The following KHDRBS2 variants were observed in gnomAD, a reference collection of about 807,000 sequenced individuals.
KHDRBS2 encodes KH domain-containing, RNA-binding, signal transduction-associated protein 2.
A neutral mutation model predicts 44.3 loss-of-function variants in KHDRBS2; 26 were observed. The ratio of observed to expected loss-of-function variants is 0.59; its 90% CI spans 0.43 to 0.81. The LOEUF (loss-of-function observed/expected upper bound fraction) is 0.81, where lower values mean the gene tolerates loss of function less well. Among genes scored for constraint, KHDRBS2 ranks in the 40% least tolerant of loss-of-function variants. KHDRBS2 has a pLI of 0.00. For synonymous variants in KHDRBS2, 194 were observed against 151.1 expected (o/e 1.28, Z -2.08); for missense variants, 476 against 433.1 (o/e 1.10, Z -0.88).
At chr6:61,689,383 C>A (rs1307382893) in intron 8 of KHDRBS2, among the ~76,000 whole-genome samples, 1 of 151,976 alleles carries the variant, frequency 6.6e-6, no homozygotes, top group Non-Finnish European at 1.5e-5. Context: ...GAATTTGTAG[C>A]CAGCCGGTCA....
At chr6:61,562,461 G>A in the KHDRBS2 span, among the ~76,000 whole-genome samples, 1 of 152,146 alleles carries the variant, frequency 6.6e-6, no homozygotes, top group Admixed American at 6.5e-5. Flanking sequence ...AATTCTCCCT[G>A]TTGAAAAGAA....
chr6:61,790,227 T>C (rs1328322379), intron 6 of KHDRBS2, among the ~76,000 whole-genome samples: 3 of 151,398 alleles, frequency 2.0e-5, no homozygotes, highest in East Asian at 3.9e-4. Flanking sequence ...GATTTCCTCA[T>C]TGGGTGCTCA....
chr6:61,891,362 G>A (rs1490245708), intron 6 of KHDRBS2, among the ~76,000 whole-genome samples: 3 of 152,214 alleles, frequency 2.0e-5, no homozygotes, highest in South Asian at 2.1e-4. Flanking sequence ...TTTTTGCATC[G>A]ATGTTCATCA....
chr6:62,097,428 T>C (rs1800861200), intron 2 of KHDRBS2, among the ~76,000 whole-genome samples: 1 of 152,090 alleles, frequency 6.6e-6, no homozygotes, highest in African/African-American at 2.4e-5. Flanking sequence ...GGTACATATA[T>C]ATTTACAACT....
At chr6:61,649,762 G>A in the KHDRBS2 span, among the ~76,000 whole-genome samples, 1 of 151,954 alleles carries the variant, frequency 6.6e-6, no homozygotes, top group African/African-American at 2.4e-5. Flanking sequence ...GTTATTGATA[G>A]CTACATAACC....
At chr6:61,875,394 A>T (rs1027624815) in intron 6 of KHDRBS2, among the ~76,000 whole-genome samples, 1 of 152,112 alleles carries the variant, frequency 6.6e-6, no homozygotes, top group Admixed American at 6.6e-5. Flanking sequence ...CAGGGTAAAC[A>T]AAAAGGCCCT....
chr6:62,166,087 T>C (rs1818628130), intron 2 of KHDRBS2, among the ~76,000 whole-genome samples: 1 of 152,172 alleles, frequency 6.6e-6, no homozygotes, highest in Admixed American at 6.6e-5. Context: ...TTTATTTTAT[T>C]TAGCATAATG....
intron 4 of KHDRBS2, among the ~76,000 whole-genome samples, chr6:61,943,513 A>G (rs1812573832): frequency 6.6e-6 from 1 of 152,312 alleles, no homozygotes; most frequent in South Asian, 2.1e-4. Flanking sequence ...TTCTCCACTT[A>G]AAAGATACAG....
At chr6:61,611,123 T>C in the KHDRBS2 span, among the ~76,000 whole-genome samples, 352 of 152,308 alleles carry the variant, frequency 2.3e-3, 2 homozygotes, top group African/African-American at 8.2e-3. Flanking sequence ...ACAGTGTAGT[T>C]AAATACAACT....
At chr6:61,559,434 G>A in the KHDRBS2 span, among the ~76,000 whole-genome samples, 2 of 151,260 alleles carry the variant, frequency 1.3e-5, no homozygotes, top group African/African-American at 2.4e-5. Flanking sequence ...TTACTAATAA[G>A]GTAGGACCTA....
the KHDRBS2 span, among the ~76,000 whole-genome samples, chr6:61,559,087 G>C: frequency 0.8 from 122,182 of 152,036 alleles, 49,543 homozygotes; most frequent in African/African-American, 0.9. Flanking sequence ...TTTTATATAT[G>C]TGGGTGCTGC....
intron 6 of KHDRBS2, among the ~76,000 whole-genome samples, chr6:61,849,870 T>C (rs1795182604): frequency 6.6e-6 from 1 of 152,170 alleles, no homozygotes; most frequent in Non-Finnish European, 1.5e-5. Context: ...ATGAATCCTA[T>C]GGCTTACTGA....
chr6:61,873,611 T>C (rs1798972293), intron 6 of KHDRBS2, among the ~76,000 whole-genome samples: 1 of 136,788 alleles, frequency 7.3e-6, no homozygotes, highest in Non-Finnish European at 1.5e-5. Context: ...AGAATGCTCA[T>C]GTTGTTCATA....
At position 62,211,871 on chromosome 6, in the gene KHDRBS2, A is replaced by C. The variant is rs556970314; in HGVS notation, c.92-34559T>G. Among the ~76,000 whole-genome samples, 375 of 152,268 alleles carry C rather than the reference A, an allele frequency of 2.5e-3. 1 individual carries two copies. Among genetic ancestry groups the C allele is most frequent in the African/African-American group, 8.8e-3 (364 of 41,566 alleles). On this transcript the variant is annotated intron_variant, in intron 1 of 8. Coordinates refer to ENST00000281156, the MANE Select transcript of KHDRBS2 (RefSeq NM_152688.4). ...TACATGCACACGTATGTTCATCACA[A>C]CACTACTCACAATAGTAAAGACATG...
intron 6 of KHDRBS2, among the ~76,000 whole-genome samples, chr6:61,796,574 A>G (rs1373718238): frequency 6.6e-6 from 1 of 152,112 alleles, no homozygotes; most frequent in East Asian, 1.9e-4. Flanking sequence ...AAATGATTTT[A>G]TACAAATAAA....
At chr6:62,097,422 C>T (rs1489057466) in intron 2 of KHDRBS2, among the ~76,000 whole-genome samples, 2 of 151,904 alleles carry the variant, frequency 1.3e-5, no homozygotes. Context: ...ATGTTGGGTA[C>T]ATATATATTT....
At chr6:62,189,564 G>A (rs1266393090) in intron 1 of KHDRBS2, among the ~76,000 whole-genome samples, 1 of 152,056 alleles carries the variant, frequency 6.6e-6, no homozygotes, top group Non-Finnish European at 1.5e-5. Flanking sequence ...AAATTTTGAA[G>A]AATTTTAGCA....
At chr6:61,806,008 G>A (rs1044462373) in intron 6 of KHDRBS2, among the ~76,000 whole-genome samples, 1 of 152,168 alleles carries the variant, frequency 6.6e-6, no homozygotes, top group Non-Finnish European at 1.5e-5. Flanking sequence ...AACCCAGGAA[G>A]ATAGGCTTCA....
At chr6:62,120,480 T>C (rs1466928491) in intron 2 of KHDRBS2, among the ~76,000 whole-genome samples, 1 of 152,124 alleles carries the variant, frequency 6.6e-6, no homozygotes, top group African/African-American at 2.4e-5. Flanking sequence ...GCAATGGGAA[T>C]AATTGGATCC....
Sources: allele counts gnomAD v4.1 joint callset (sites outside exome capture counted in the v4.1 genomes callset), GRCh38; gene constraint gnomAD v4.1.1; transcripts MANE v1.5; gene names NCBI Gene and HGNC (gene_info 2026-07-23, HGNC 2026-07-21).